Variants in FHOD3 observed in about 807,000 individuals in gnomAD.
FHOD3 encodes the protein FH1/FH2 domain-containing protein 3.
FHOD3 carries 90 observed loss-of-function variants against 173.0 expected under a neutral mutation model. The observed-to-expected ratio is 0.52, with a 90% CI of 0.44 to 0.62. FHOD3 has a LOEUF of 0.62. Among genes scored for constraint, FHOD3 ranks in the 20% least tolerant of loss-of-function variants. FHOD3 has a pLI of 0.00. For missense variants in FHOD3, 1,945 were observed against 2,034.7 expected (o/e 0.96, Z 0.85); for synonymous variants, 828 against 823.0 (o/e 1.01, Z -0.10).
intron 5 of FHOD3, among the ~76,000 whole-genome samples, chr18:36,536,254 A>G (rs775269284): frequency 6.6e-6 from 1 of 152,204 alleles, no homozygotes; most frequent in Admixed American, 6.5e-5. Context: ...CCTCCTCCCC[A>G]TGGATGGGGC....
intron 17 of FHOD3, among the ~76,000 whole-genome samples, chr18:36,701,856 A>G (rs989190624): frequency 1.3e-5 from 2 of 152,192 alleles, no homozygotes; most frequent in African/African-American, 2.4e-5. Context: ...AATTTTGACT[A>G]TACATGGTCA....
At position 36,685,977 on chromosome 18, in the gene FHOD3, A is replaced by C. The variant is rs1453759621; in HGVS notation, c.1971-1151A>C. Among the ~76,000 whole-genome samples the C allele has an allele frequency of 3.3e-5, 5 of 152,342 alleles. No individual in the cohort carries two copies. The South Asian group carries it at 1.0e-3, about 32-fold the overall frequency. On this transcript the variant is annotated intron_variant, in intron 15 of 28. Transcript: ENST00000590592. Reference sequence around the variant, plus strand: ...AAGCAGGAGCTTCAGTGATCCTAGAATAGAAACTGAGAATGTAATGGATGT... The same window carrying C: ...AAGCAGGAGCTTCAGTGATCCTAGACTAGAAACTGAGAATGTAATGGATGT...
chr18:36,716,592 A>G (rs1245368909), intron 18 of FHOD3, among the ~76,000 whole-genome samples: 1 of 152,110 alleles, frequency 6.6e-6, no homozygotes, highest in East Asian at 1.9e-4. Flanking sequence ...TTTAAAGGTT[A>G]ATGATAAGGA....
In FHOD3 at chr18:36,606,386, G is replaced by C. The variant is rs577034082; in HGVS notation, c.813+3618G>C. Reference sequence around the variant, plus strand: ...GGGTTGTAGGGGAAGAGAGGAGAAGGGGGTGAAACTTACGCTCTGTTGGGA... The same window carrying C: ...GGGTTGTAGGGGAAGAGAGGAGAAGCGGGTGAAACTTACGCTCTGTTGGGA... On this transcript the variant is annotated intron_variant, in intron 8 of 28. Coordinates refer to ENST00000590592, the MANE Select transcript of FHOD3 (RefSeq NM_001281740.3). 7.9e-5 allele frequency among the ~76,000 whole-genome samples: 12 copies of C among 152,096 alleles called. No individual in the cohort carries two copies. In the South Asian group the frequency reaches 2.5e-3, roughly 32 times the overall value.
chr18:36,718,361 A>ACCCCCCCC lies in FHOD3; in HGVS notation c.3065_3066insCCCCCCCC (p.Pro1025LeufsTer46). ...TGGGTCACAGGGAGGCCCCTGGGCC[A>ACCCCCCCC]CCTCCCCCACCCCCACCCACCTTTC... On this transcript the variant is annotated frameshift_variant, in exon 19 of 29. Transcript: ENST00000590592. LOFTEE classifies it high-confidence loss of function. The ACCCCCCCC allele has an allele frequency of 7.5e-7, 1 of 1,329,388 alleles. No individual in the cohort carries two copies. The highest frequency in any genetic ancestry group is 1.2e-5 in the South Asian group (1 of 85,108). The allele number at this position is 1,329,388 out of a possible 1,614,324, so 82.3% of individuals were successfully genotyped here. A position where few individuals can be genotyped will look rare whatever the true frequency, so the allele number is the denominator to read the frequency against.
intron 10 of FHOD3, among the ~76,000 whole-genome samples, chr18:36,639,662 C>CA (rs565028489): frequency 0.16 from 12,764 of 77,726 alleles, 865 homozygotes; most frequent in Non-Finnish European, 0.21. Flanking sequence ...GACTCCATCT[C>CA]AAAAAAAAAA....
chr18:36,690,270 G>A (rs1471378283), intron 16 of FHOD3, among the ~76,000 whole-genome samples: 1 of 152,194 alleles, frequency 6.6e-6, no homozygotes, highest in Non-Finnish European at 1.5e-5. Context: ...ACAAACAAAT[G>A]ATATAGGCAG....
At chr18:36,585,146 C>T (rs1431215581) in intron 6 of FHOD3, among the ~76,000 whole-genome samples, 1 of 152,006 alleles carries the variant, frequency 6.6e-6, no homozygotes, top group Admixed American at 6.6e-5. Flanking sequence ...GAATTGTTTC[C>T]AATGCTGTGC....
At chr18:36,622,687 T>A (rs2033807521) in intron 9 of FHOD3, among the ~76,000 whole-genome samples, 2 of 152,334 alleles carry the variant, frequency 1.3e-5, no homozygotes, top group African/African-American at 4.8e-5. Context: ...TTGCGCTGTA[T>A]TTGATTAGGT....
chr18:36,651,366 T>A (rs2149099660), intron 11 of FHOD3, among the ~76,000 whole-genome samples: 1 of 152,272 alleles, frequency 6.6e-6, no homozygotes, highest in African/African-American at 2.4e-5. Context: ...AGGTTATAAA[T>A]GTATGTGTTA....
intron 3 of FHOD3, among the ~76,000 whole-genome samples, chr18:36,481,738 TAA>T (rs1453967284): frequency 6.6e-6 from 1 of 152,208 alleles, no homozygotes; most frequent in Non-Finnish European, 1.5e-5. Context: ...AATTTTTGTA[TAA>T]ACTGTCAAAG....
chr18:36,594,715 C>T (rs1438622192), intron 6 of FHOD3, 72 bp from the exon 7 acceptor site: 12 of 1,040,564 alleles, frequency 1.2e-5, no homozygotes, highest in Admixed American at 6.1e-5. Flanking sequence ...GTGCCCGCTG[C>T]GGTTAGGAAG....
At chr18:36,323,317 T>C (rs1007126023) in intron 1 of FHOD3, among the ~76,000 whole-genome samples, 5 of 152,182 alleles carry the variant, frequency 3.3e-5, no homozygotes, top group Non-Finnish European at 5.9e-5. Flanking sequence ...TTTTTTGTTT[T>C]TGAGACTGCA....
intron 3 of FHOD3, among the ~76,000 whole-genome samples, chr18:36,471,312 C>G (rs764081922): frequency 1.1e-4 from 16 of 152,158 alleles, no homozygotes; most frequent in Non-Finnish European, 2.2e-4. Flanking sequence ...AGCTCTGGGT[C>G]CTGCCTGACC....
In FHOD3 at chr18:36,531,644, AC is replaced by A. The variant is rs201560207; in HGVS notation, c.511+19102del. 3.3e-5 allele frequency among the ~76,000 whole-genome samples: 5 copies of A among 152,338 alleles called. No homozygotes were observed. In the East Asian group the frequency reaches 7.7e-4, roughly 24 times the overall value. ...TTTCAAAGGAGTCTGTTTGATACGAACAAACATTGCTTTAATGCCATATGGA... is the reference window on the plus strand; with the variant it reads ...TTTCAAAGGAGTCTGTTTGATACGAAAAACATTGCTTTAATGCCATATGGA... On this transcript the variant is annotated intron_variant, in intron 5 of 28. Transcript: ENST00000590592.
intron 3 of FHOD3, among the ~76,000 whole-genome samples, chr18:36,416,519 C>T (rs2049659201): frequency 1.3e-5 from 2 of 152,354 alleles, no homozygotes; most frequent in South Asian, 4.1e-4. Context: ...AGCACACCCT[C>T]CACAGCCATT....
chr18:36,660,449 A>G (rs755260851), intron 14 of FHOD3, among the ~76,000 whole-genome samples: 6 of 152,210 alleles, frequency 3.9e-5, no homozygotes, highest in Non-Finnish European at 8.8e-5. Context: ...GTGAGGCTGC[A>G]GGAACAAGGG....
rs1434980609 is a variant in FHOD3 at position 36,652,734 on chromosome 18, C to A, written c.1451C>A (p.Thr484Asn). 6.5e-7 allele frequency: 1 copy of A among 1,535,878 alleles called. No homozygotes were observed. The highest frequency in any genetic ancestry group is 2.4e-5 in the East Asian group (1 of 40,892). Residue 484 changes from threonine (T) to asparagine (N), a missense_variant, in exon 12 of 29, where the codon ACC (threonine) becomes AAC (asparagine). Around this residue, in one of 5 missense-constraint regions of FHOD3, gnomAD observed 1,099 missense variants for 1,051.2 expected, o/e 1.05. Transcript: ENST00000590592. Reference sequence around the variant, plus strand: ...AGTGGGTCCTCTGGGTCTGAGGCCACCCCATCTGCCCTCCTGTCACCCCCT... The same window carrying A: ...AGTGGGTCCTCTGGGTCTGAGGCCAACCCATCTGCCCTCCTGTCACCCCCT... ...WHSGSSGSEA[T>N]PSALLSPPAS...
intron 3 of FHOD3, among the ~76,000 whole-genome samples, chr18:36,402,583 A>T (rs927305275): frequency 1.1e-4 from 16 of 151,542 alleles, no homozygotes; most frequent in Admixed American, 6.6e-4. Flanking sequence ...GACATGTCCA[A>T]GGTCACACAG....
Sources: allele counts gnomAD v4.1 joint callset (sites outside exome capture counted in the v4.1 genomes callset), GRCh38; gene constraint gnomAD v4.1.1; regional missense constraint gnomAD v4.1.1; transcripts MANE v1.5; gene names NCBI Gene and HGNC (gene_info 2026-07-23, HGNC 2026-07-21).